RNF38: variants seen among roughly 807,000 people sequenced by gnomAD.
RNF38 encodes E3 ubiquitin-protein ligase RNF38.
RNF38 carries 15 observed loss-of-function variants against 67.2 expected under a neutral mutation model. The ratio of observed to expected loss-of-function variants is 0.22; its 90% CI spans 0.15 to 0.34. The LOEUF (loss-of-function observed/expected upper bound fraction) is 0.34, where lower values mean the gene tolerates loss of function less well. Among genes scored for constraint, RNF38 ranks in the 10% least tolerant of loss-of-function variants. The pLI is 1.00. For missense variants in RNF38, 524 were observed against 639.9 expected, an observed-to-expected ratio of 0.82 and a Z score of 1.95; for synonymous variants, 220 against 218.8, an observed-to-expected ratio of 1.01 and a Z score of -0.05.
chr9:36,443,935 G>A (rs1422842669), intron 1 of RNF38, among the ~76,000 whole-genome samples: 4 of 152,136 alleles, frequency 2.6e-5, no homozygotes, highest in Admixed American at 6.5e-5. Flanking sequence ...GAAGTCACTC[G>A]ACAGAACCAA....
intron 4 of RNF38, among the ~76,000 whole-genome samples, chr9:36,358,211 C>T (rs774745283): frequency 1.3e-5 from 2 of 152,182 alleles, no homozygotes; most frequent in East Asian, 1.9e-4. Context: ...ACTATATTAA[C>T]TCTTCTAGCC....
intron 2 of RNF38, among the ~76,000 whole-genome samples, chr9:36,424,326 C>A (rs181833763): frequency 2.1e-4 from 32 of 152,314 alleles, no homozygotes; most frequent in Middle Eastern, 3.4e-3. Flanking sequence ...TTAAGATAAT[C>A]CATTCAGGCT....
At chr9:36,467,391 T>C (rs1839889007) in intron 1 of RNF38, among the ~76,000 whole-genome samples, 1 of 151,666 alleles carries the variant, frequency 6.6e-6, no homozygotes, top group South Asian at 2.1e-4. Context: ...CAAAATACTT[T>C]GAATATCACT....
intron 9 of RNF38, among the ~76,000 whole-genome samples, chr9:36,347,721 C>A (rs545841981): frequency 7.7e-4 from 117 of 152,284 alleles, no homozygotes; most frequent in African/African-American, 2.4e-3. Flanking sequence ...CAATTAATAA[C>A]CCCACAATGG....
At chr9:36,361,970 C>G (rs189682451) in intron 4 of RNF38, among the ~76,000 whole-genome samples, 5 of 152,288 alleles carry the variant, frequency 3.3e-5, no homozygotes, top group Admixed American at 1.3e-4. Context: ...ACAACTACTG[C>G]TTGGCTGACA....
At chr9:36,393,476 A>ACG (rs1564035978) in intron 1 of RNF38, among the ~76,000 whole-genome samples, 2 of 38,566 alleles carry the variant, frequency 5.2e-5, no homozygotes, top group Admixed American at 2.4e-4. Flanking sequence ...ACACACACAC[A>ACG]TTGTGTGTGT....
At chr9:36,474,830 A>G (rs1013995390) in intron 1 of RNF38, among the ~76,000 whole-genome samples, 3 of 148,180 alleles carry the variant, frequency 2.0e-5, no homozygotes, top group Non-Finnish European at 4.5e-5. Context: ...GTAACAATCA[A>G]AGGAACAGAG....
At chr9:36,444,002 A>G (rs1403676830) in intron 1 of RNF38, among the ~76,000 whole-genome samples, 1 of 152,212 alleles carries the variant, frequency 6.6e-6, no homozygotes, top group Non-Finnish European at 1.5e-5. Context: ...GATCACTGCC[A>G]CAGGAAAATG....
At chr9:36,383,697 G>A (rs903816180) in intron 2 of RNF38, among the ~76,000 whole-genome samples, 3 of 152,040 alleles carry the variant, frequency 2.0e-5, no homozygotes, top group Non-Finnish European at 4.4e-5. Context: ...TATTTTACTT[G>A]CAGATATAGA....
intron 3 of RNF38, chr9:36,372,565 G>C: frequency 1.4e-6 from 1 of 715,632 alleles, no homozygotes. Flanking sequence ...GTTTCTGGGA[G>C]AAAATCTGGC....
chr9:36,467,723 G>C (rs1026632925), intron 1 of RNF38, among the ~76,000 whole-genome samples: 3 of 152,148 alleles, frequency 2.0e-5, no homozygotes, highest in African/African-American at 7.2e-5. Flanking sequence ...TCTCACACAG[G>C]TAATTTGTGG....
Position 36,372,693 on chromosome 9 carries a change from ACTC to A in RNF38, c.357-2764_357-2762del. ...TTCAGGGTGGTAAATACTCTCTACT[ACTC>A]TTTTGTCTTGCTATGAACGAGGACC... is the stretch of plus-strand genomic sequence containing the variant. On this transcript the variant is annotated intron_variant, in intron 3 of 11. Coordinates refer to ENST00000259605, the MANE Select transcript of RNF38 (RefSeq NM_022781.5). 3 of 511,248 alleles carry A rather than the reference ACTC, an allele frequency of 5.9e-6. No individual in the cohort carries two copies. In the South Asian group the frequency reaches 9.8e-5, roughly 17 times the overall value. 31.7% of individuals were successfully genotyped at this position (511,248 alleles called of 1,614,324 possible).
At chr9:36,395,341 T>C (rs1055422253) in intron 1 of RNF38, among the ~76,000 whole-genome samples, 7 of 151,754 alleles carry the variant, frequency 4.6e-5, no homozygotes, top group African/African-American at 1.7e-4. Context: ...TTTTTTTTTC[T>C]CCAGTAAAAG....
At chr9:36,455,773 A>C (rs972781516) in intron 1 of RNF38, among the ~76,000 whole-genome samples, 1 of 151,830 alleles carries the variant, frequency 6.6e-6, no homozygotes, top group Non-Finnish European at 1.5e-5. Context: ...AAAGTACAAA[A>C]ATTACAGCAC....
At chr9:36,369,679 A>T in intron 4 of RNF38, 40 bp downstream of exon 4, 3 of 1,471,102 alleles carry the variant, frequency 2.0e-6, no homozygotes, top group Non-Finnish European at 2.7e-6. Flanking sequence ...CTGCCACAAA[A>T]TTTCAGCTTC....
intron 1 of RNF38, among the ~76,000 whole-genome samples, chr9:36,480,614 C>T (rs1414432865): frequency 7.0e-6 from 1 of 142,772 alleles, no homozygotes; most frequent in Non-Finnish European, 1.5e-5. Flanking sequence ...GGCAGTGGCA[C>T]CATCTCAACT....
chr9:36,455,115 G>A (rs993133610), intron 1 of RNF38, among the ~76,000 whole-genome samples: 3 of 149,164 alleles, frequency 2.0e-5, no homozygotes, highest in East Asian at 2.0e-4. Flanking sequence ...TGCAGAGTGC[G>A]GTGGTGCGAT....
intron 4 of RNF38, 44 bp from the exon 5 acceptor site, chr9:36,357,986 AAAAT>A (rs1228522112): frequency 6.5e-7 from 1 of 1,547,386 alleles, no homozygotes; most frequent in Non-Finnish European, 8.9e-7. Context: ...CTGTTTAGAT[AAAAT>A]GTTAACTATT....
At chr9:36,399,994 A>AT (rs1270969081) in intron 1 of RNF38, 103 bp downstream of exon 1, 1 of 1,037,126 alleles carries the variant, frequency 9.6e-7, no homozygotes, top group African/African-American at 1.6e-5. Flanking sequence ...AATGGTGGCA[A>AT]TAATTACATG....
Sources: gnomAD v4.1 joint callset for allele counts (sites outside exome capture counted in the v4.1 genomes callset) on GRCh38, gnomAD v4.1.1 for gene constraint, MANE v1.5 for transcripts, NCBI Gene and HGNC (gene_info 2026-07-23, HGNC 2026-07-21) for gene names.